The following FBN2 variants were observed in gnomAD, a reference collection of about 807,000 sequenced individuals.
FBN2 encodes fibrillin 2.
A neutral mutation model predicts 355.6 loss-of-function variants in FBN2; 105 were observed. That is an observed-to-expected ratio of 0.30 (90% CI 0.25 to 0.35). The LOEUF is 0.35. Ranked by LOEUF, FBN2 falls within the 10% of genes least tolerant of loss-of-function variation. The pLI is 1.00. For missense variants in FBN2, 3,280 were observed against 3,758.7 expected (o/e 0.87, Z 3.33); for synonymous variants, 1,350 against 1,301.2 (o/e 1.04, Z -0.81).
At chr5:128,361,695 C>A (rs1751642130) in intron 19 of FBN2, 28 bp downstream of exon 19, 5 of 1,613,854 alleles carry the variant, frequency 3.1e-6, no homozygotes, top group Non-Finnish European at 4.2e-6. Context: ...TCACTATGCA[C>A]AAATAAGGCG....
rs1429912660 is a variant in FBN2, at chr5:128,301,419, T to C, written c.6009A>G (p.Glu2003=). The change falls in exon 47 of 65, where the codon GAA becomes GAG. Residue 2003 remains glutamate (E), a synonymous_variant. Coordinates refer to ENST00000262464, the MANE Select transcript of FBN2 (RefSeq NM_001999.4). ...TGCCATCTGGGGTAAGTTCATAACC[T>C]TCGTTACATAGACACTTGAAAGAAC... ...EIGSFKCLCN[E]GYELTPDGKN... The C allele has an allele frequency of 8.7e-6, 14 of 1,613,380 alleles. No homozygotes were observed. Among genetic ancestry groups the C allele is most frequent in the Non-Finnish European group, 1.2e-5 (14 of 1,179,576 alleles).
intron 15 of FBN2, among the ~76,000 whole-genome samples, chr5:128,374,243 T>TA (rs1225834925): frequency 1.3e-5 from 2 of 152,192 alleles, no homozygotes; most frequent in East Asian, 3.9e-4. Flanking sequence ...TCCATCACTT[T>TA]AAAGTGTACA....
intron 6 of FBN2, among the ~76,000 whole-genome samples, chr5:128,447,621 T>G (rs1400113756): frequency 2.0e-5 from 3 of 152,226 alleles, no homozygotes; most frequent in Non-Finnish European, 4.4e-5. Flanking sequence ...GGTCCTGCGA[T>G]CTTGCCCTGC....
intron 7 of FBN2, among the ~76,000 whole-genome samples, chr5:128,422,686 T>C (rs753226589): frequency 6.6e-6 from 1 of 152,292 alleles, no homozygotes; most frequent in Admixed American, 6.5e-5. Context: ...AGAATGAATA[T>C]GTAGTAATAG....
chr5:128,333,201 T>C (rs1750739108), intron 31 of FBN2, among the ~76,000 whole-genome samples, 167 bp from the exon 32 acceptor site: 1 of 152,210 alleles, frequency 6.6e-6, no homozygotes, highest in African/African-American at 2.4e-5. Flanking sequence ...CCAAGAGGAC[T>C]TGGAAAATTC....
chr5:128,416,541 G>A (rs952906899), intron 7 of FBN2, among the ~76,000 whole-genome samples: 1 of 152,088 alleles, frequency 6.6e-6, no homozygotes, highest in African/African-American at 2.4e-5. Context: ...TTATGGTTTC[G>A]GGTCTTATGT....
At chr5:128,388,230 T>A (rs1179903788) in intron 11 of FBN2, among the ~76,000 whole-genome samples, 1 of 152,246 alleles carries the variant, frequency 6.6e-6, no homozygotes, top group Non-Finnish European at 1.5e-5. Flanking sequence ...AGTCTATGGA[T>A]GTCACTGCAT....
intron 27 of FBN2, among the ~76,000 whole-genome samples, chr5:128,337,768 G>A (rs147781935): frequency 2.6e-4 from 39 of 152,256 alleles, no homozygotes; most frequent in Admixed American, 1.4e-3. Flanking sequence ...GACCAATCAC[G>A]TGGCTTGTTA....
chr5:128,498,527 T>G lies in FBN2; in HGVS notation c.628+20746A>C, dbSNP rs576512304. ...ACCAAGCCCTCAAACTGTCTTTTTA[T>G]CAAACGACTCTTCAGACACCACCTC... On this transcript the variant is annotated intron_variant, in intron 5 of 64. Coordinates refer to ENST00000262464, the MANE Select transcript of FBN2 (RefSeq NM_001999.4). Among the ~76,000 whole-genome samples, 3 of 152,176 alleles carry G rather than the reference T, an allele frequency of 2.0e-5. No individual in the cohort carries two copies. The South Asian group carries it at 6.3e-4, about 32-fold the overall frequency.
rs181829976 is a variant in FBN2 at position 128,289,267 on chromosome 5, T to C, written c.6512-15A>G. On this transcript the variant is annotated splice_polypyrimidine_tract_variant and intron_variant, in intron 51 of 64. Transcript: ENST00000262464. ...CTCATTGACATCTAAAATATAGAAC[T>C]GCATGTGAATTTCCTCATATAAAAA... The C allele has an allele frequency of 3.1e-6, 5 of 1,613,484 alleles. No homozygotes were observed.
At chr5:128,527,801 G>C (rs1756600495) in intron 4 of FBN2, 71 bp downstream of exon 4, 1 of 1,089,152 alleles carries the variant, frequency 9.2e-7, no homozygotes, top group East Asian at 2.4e-5. Context: ...GGATTTATGA[G>C]ACCTTAAATT....
At chr5:128,344,925 T>A (rs1751130499) in intron 24 of FBN2, among the ~76,000 whole-genome samples, 1 of 152,174 alleles carries the variant, frequency 6.6e-6, no homozygotes, top group Admixed American at 6.5e-5. Context: ...GGTCTTGAAC[T>A]CCTGACCTCA....
chr5:128,328,650 T>G, intron 34 of FBN2, 46 bp downstream of exon 34: 1 of 1,610,050 alleles, frequency 6.2e-7, no homozygotes, highest in Non-Finnish European at 8.5e-7. Context: ...TTTCATTTAC[T>G]GTGGTTGATC....
intron 7 of FBN2, among the ~76,000 whole-genome samples, chr5:128,415,874 T>C (rs1288294473): frequency 2.0e-5 from 3 of 152,196 alleles, no homozygotes; most frequent in African/African-American, 7.2e-5. Flanking sequence ...CTATTTTCTG[T>C]CTTTTTAATA....
chr5:128,343,925 A>G (rs1751097216), intron 25 of FBN2, among the ~76,000 whole-genome samples: 1 of 152,184 alleles, frequency 6.6e-6, no homozygotes, highest in Non-Finnish European at 1.5e-5. Flanking sequence ...AAGTGTAGAG[A>G]AAAGAAATTT....
At chr5:128,301,554 A>T in intron 46 of FBN2, 44 bp from the exon 47 acceptor site, 1 of 1,592,634 alleles carries the variant, frequency 6.3e-7, no homozygotes, top group Non-Finnish European at 8.6e-7. Flanking sequence ...AGCTCTTAAC[A>T]TGTATATTGT....
intron 5 of FBN2, among the ~76,000 whole-genome samples, chr5:128,488,500 AT>A (rs1042408130): frequency 6.6e-6 from 1 of 151,328 alleles, no homozygotes; most frequent in African/African-American, 2.4e-5. Context: ...CTTTTTTTTA[AT>A]TTTTTTATTA....
At chr5:128,446,248 T>A (rs931276511) in intron 7 of FBN2, 8 of 416,078 alleles carry the variant, frequency 1.9e-5, no homozygotes, top group African/African-American at 1.6e-4. Flanking sequence ...CCATTCTCAA[T>A]GCAACACAAC....
In FBN2 at chr5:128,278,250, T is replaced by C. The variant is rs1765445119; in HGVS notation, c.7346-245A>G. On this transcript the variant is annotated intron_variant, in intron 57 of 64. Coordinates refer to ENST00000262464, the MANE Select transcript of FBN2 (RefSeq NM_001999.4). ...AAGCCCTGTTTAAGACTACCCATTT[T>C]GCAATCTAAGCATGAATGATTTTGG... is the stretch of plus-strand genomic sequence containing the variant. Among the ~76,000 whole-genome samples the C allele has an allele frequency of 2.0e-5, 3 of 152,186 alleles. No homozygotes were observed. In the South Asian group the frequency reaches 6.2e-4, roughly 32 times the overall value.
Sources: gnomAD v4.1 joint callset for allele counts (sites outside exome capture counted in the v4.1 genomes callset) on GRCh38, gnomAD v4.1.1 for gene constraint, MANE v1.5 for transcripts, NCBI Gene and HGNC (gene_info 2026-07-23, HGNC 2026-07-21) for gene names.